Variants in TTC6 observed in about 807,000 individuals in gnomAD.
TTC6 encodes tetratricopeptide repeat protein 6.
TTC6 carries 172 observed loss-of-function variants against 210.4 expected under a neutral mutation model. That is an observed-to-expected ratio of 0.82 (90% confidence interval 0.72 to 0.93). TTC6 has a LOEUF of 0.93. Among genes scored for constraint, TTC6 ranks in the 40% least tolerant of loss-of-function variants. The pLI, the probability that TTC6 is intolerant of heterozygous loss-of-function variation, is 0.00. For synonymous variants in TTC6, 804 were observed against 819.6 expected, an observed-to-expected ratio of 0.98 and a Z score of 0.32; for missense variants, 2,414 against 2,318.1, an observed-to-expected ratio of 1.04 and a Z score of -0.85.
chr14:37,685,404 T>A (rs1055668274), intron 3 of TTC6, among the ~76,000 whole-genome samples: 1 of 152,192 alleles, frequency 6.6e-6, no homozygotes, highest in Non-Finnish European at 1.5e-5. Context: ...GGTTTAGTCC[T>A]ATGAATAATG....
intron 7 of TTC6, among the ~76,000 whole-genome samples, chr14:37,728,947 A>AT (rs752738138): frequency 2.6e-5 from 4 of 152,140 alleles, no homozygotes; most frequent in Non-Finnish European, 4.4e-5. Flanking sequence ...TGTTAAATGC[A>AT]TTTCGTATAT....
chr14:37,840,607 C>T (rs1278409713), intron 29 of TTC6, among the ~76,000 whole-genome samples: 1 of 152,164 alleles, frequency 6.6e-6, no homozygotes, highest in Non-Finnish European at 1.5e-5. Flanking sequence ...CAATAAAATA[C>T]TGGCAAACTG....
At position 37,753,135 on chromosome 14, in the gene TTC6, T is replaced by C. The variant is rs1053456472; in HGVS notation, c.3166T>C (p.Leu1056=). 7.8e-6 allele frequency: 12 copies of C among 1,535,450 alleles called. No homozygotes were observed. The Admixed American group carries it at 1.2e-4, about 15-fold the overall frequency. Residue 1056 remains leucine, a synonymous_variant, in exon 14 of 31, where the codon TTG becomes CTG. Coordinates refer to ENST00000553443, the Ensembl canonical transcript of TTC6. ...TGATCCCAAAAGAACAGATGCATTATTGAAACGTGGGCTGTTTTATTGTGA... is the reference window on the plus strand; with the variant it reads ...TGATCCCAAAAGAACAGATGCATTACTGAAACGTGGGCTGTTTTATTGTGA...
At chr14:37,734,443 A>AT (rs754184307) in intron 7 of TTC6, among the ~76,000 whole-genome samples, 1 of 152,188 alleles carries the variant, frequency 6.6e-6, no homozygotes, top group South Asian at 2.1e-4. Flanking sequence ...GCATCTTTGA[A>AT]TAGTAGGCTT....
intron 3 of TTC6, among the ~76,000 whole-genome samples, chr14:37,687,127 C>T (rs1424958030): frequency 6.6e-6 from 1 of 152,094 alleles, no homozygotes; most frequent in African/African-American, 2.4e-5. Context: ...CTCCCTGACC[C>T]GTTGGCAGCA....
Position 37,770,576 on chromosome 14 carries a change from T to C in TTC6, c.3267-16892T>C, listed in dbSNP as rs2096014857. 3.3e-5 allele frequency among the ~76,000 whole-genome samples: 5 copies of C among 152,112 alleles called. No homozygotes were observed. In the South Asian group the frequency reaches 1.0e-3, roughly 32 times the overall value. ...TATGTAATGGCCTTCTTTGTCTCTT[T>C]TGATCTTTGTTGGTTTAAAGTCTGT... On this transcript the variant is annotated intron_variant, in intron 14 of 30. Coordinates refer to ENST00000553443, the Ensembl canonical transcript of TTC6.
rs565065002 is a variant in TTC6, at chr14:37,771,425, T to A, written c.3267-16043T>A. Among the ~76,000 whole-genome samples, 4 of 152,332 alleles carry A rather than the reference T, an allele frequency of 2.6e-5. No individual in the cohort carries two copies. In the South Asian group the frequency reaches 8.3e-4, roughly 32 times the overall value. Reference sequence around the variant, plus strand: ...TTCCAACTTGGTTCCATTCTCCCTGTCACTTTCAGGTACACCAATCGGACG... The same window carrying A: ...TTCCAACTTGGTTCCATTCTCCCTGACACTTTCAGGTACACCAATCGGACG... On this transcript the variant is annotated intron_variant, in intron 14 of 30. Coordinates refer to ENST00000553443, the Ensembl canonical transcript of TTC6.
chr14:37,750,430 A>ACCTAT (rs2095948344), intron 12 of TTC6, among the ~76,000 whole-genome samples: 2 of 152,186 alleles, frequency 1.3e-5, no homozygotes, highest in Admixed American at 6.5e-5. Flanking sequence ...TGTCATCACA[A>ACCTAT]CCTAACCTTT....
At chr14:37,807,987 T>C (rs2096122196) in intron 23 of TTC6, among the ~76,000 whole-genome samples, 1 of 152,118 alleles carries the variant, frequency 6.6e-6, no homozygotes, top group East Asian at 1.9e-4. Context: ...TGATTGTTTT[T>C]AAAATTTTTA....
chr14:37,775,588 A>G (rs1204423099), intron 14 of TTC6, among the ~76,000 whole-genome samples: 4 of 152,058 alleles, frequency 2.6e-5, no homozygotes, highest in Admixed American at 2.0e-4. Context: ...CTGTGGTCCA[A>G]GAGTGTGGTT....
upstream of TTC6, among the ~76,000 whole-genome samples, chr14:37,618,805 T>C (rs905158221): frequency 2.6e-5 from 4 of 152,214 alleles, no homozygotes; most frequent in Non-Finnish European, 5.9e-5. Flanking sequence ...GGGAATGTAC[T>C]GAGAAGTGTT....
At chr14:37,626,045 C>G (rs989420819) in intron 1 of TTC6, among the ~76,000 whole-genome samples, 1 of 152,156 alleles carries the variant, frequency 6.6e-6, no homozygotes, top group Non-Finnish European at 1.5e-5. Context: ...CTAGTAGCAC[C>G]TCCCAAGTCA....
intron 1 of TTC6, among the ~76,000 whole-genome samples, chr14:37,597,730 G>A (rs1174767196): frequency 3.3e-5 from 5 of 152,110 alleles, no homozygotes; most frequent in Non-Finnish European, 5.9e-5. Context: ...CGAAAACAGC[G>A]CCTCCTGTCG....
At chr14:37,837,449 TC>T (rs1218851674) in intron 29 of TTC6, 1 of 451,738 alleles carries the variant, frequency 2.2e-6, no homozygotes, top group East Asian at 7.1e-5. Flanking sequence ...CTGTCCCCCC[TC>T]CCCCCAACCT....
intron 2 of TTC6, among the ~76,000 whole-genome samples, chr14:37,616,039 G>T (rs1049956311): frequency 6.6e-6 from 1 of 152,202 alleles, no homozygotes; most frequent in Non-Finnish European, 1.5e-5. Flanking sequence ...CCATTTAGCA[G>T]GCATTTCACC....
chr14:37,633,943 G>A (rs2095675062), intron 1 of TTC6, among the ~76,000 whole-genome samples: 1 of 152,162 alleles, frequency 6.6e-6, no homozygotes, highest in Non-Finnish European at 1.5e-5. Context: ...AGTAACAGGG[G>A]AAGTGCCTCC....
intron 24 of TTC6, among the ~76,000 whole-genome samples, chr14:37,811,779 C>A (rs1014872508): frequency 6.6e-6 from 1 of 152,050 alleles, no homozygotes; most frequent in African/African-American, 2.4e-5. Context: ...CCTACAAGTG[C>A]TTATTTGTTA....
intron 1 of TTC6, among the ~76,000 whole-genome samples, chr14:37,667,027 C>T (rs759183801): frequency 9.3e-5 from 14 of 149,954 alleles, no homozygotes; most frequent in Non-Finnish European, 1.6e-4. Context: ...TTCTTTAACT[C>T]ATTCTCTATT....
chr14:37,724,925 T>A, exon 7 of TTC6: 1 of 1,527,192 alleles, frequency 6.5e-7, no homozygotes, highest in Non-Finnish European at 8.8e-7. Flanking sequence ...ATTCACGAAG[T>A]TGTTTTGGAA....
Sources: gnomAD v4.1 joint callset for allele counts (sites outside exome capture counted in the v4.1 genomes callset) on GRCh38, gnomAD v4.1.1 for gene constraint, MANE v1.5 for transcripts, NCBI Gene and HGNC (gene_info 2026-07-23, HGNC 2026-07-21) for gene names.